The following SNX6 variants were observed in gnomAD, a reference collection of about 807,000 sequenced individuals.
SNX6 encodes sorting nexin 6.
In SNX6, 34 loss-of-function variants were observed where a neutral mutation model predicts 63.0. The observed-to-expected ratio is 0.54, with a 90% CI of 0.41 to 0.72. SNX6 has a LOEUF of 0.72. SNX6 is among the 30% of genes least tolerant of loss of function. The probability of loss-of-function intolerance (pLI) is 0.00; values close to 1 mark genes in which losing one functional copy is unlikely to be tolerated. For synonymous variants in SNX6, 170 were observed against 164.2 expected (o/e 1.04, Z -0.27); for missense variants, 398 against 471.4 (o/e 0.84, Z 1.44).
At chr14:34,593,582 T>A (rs1882485141) in intron 7 of SNX6, among the ~76,000 whole-genome samples, 1 of 151,056 alleles carries the variant, frequency 6.6e-6, no homozygotes, top group Non-Finnish European at 1.5e-5. Context: ...TTCTTTTTTT[T>A]TTTTTTTTTA....
chr14:34,586,999 A>T (rs1310047542), intron 8 of SNX6, among the ~76,000 whole-genome samples: 3 of 113,550 alleles, frequency 2.6e-5, no homozygotes, highest in Non-Finnish European at 5.3e-5. Flanking sequence ...ACAGAGCAAG[A>T]CTCTGTCTCA....
intron 2 of SNX6, among the ~76,000 whole-genome samples, chr14:34,622,397 C>T (rs577034318): frequency 4.0e-5 from 6 of 151,284 alleles, no homozygotes; most frequent in African/African-American, 7.3e-5. Context: ...TGGCTAACAC[C>T]GTGAAACCCC....
In SNX6 at chr14:34,605,618, T is replaced by C. The variant is rs768854319; in HGVS notation, c.370A>G (p.Lys124Glu). 6 of 1,592,442 alleles carry C rather than the reference T, an allele frequency of 3.8e-6. No homozygotes were observed. Among genetic ancestry groups the C allele is most frequent in the African/African-American group, 2.7e-5 (2 of 73,366 alleles). Residue 124 changes from lysine (K) to glutamate (E), a missense_variant, in exon 5 of 14, where the codon AAG becomes GAG. Transcript: ENST00000362031. ...EGSMTKEEFT[K>E]MKQELEAEYL... ...TACGCTTCCAGTTCCTGTTTCATCTTTGTGAATTCTTCCTTCGTCATTGAC... is the reference window on the plus strand; with the variant it reads ...TACGCTTCCAGTTCCTGTTTCATCTCTGTGAATTCTTCCTTCGTCATTGAC...
At chr14:34,587,308 A>G (rs1261746565) in intron 8 of SNX6, among the ~76,000 whole-genome samples, 2 of 151,732 alleles carry the variant, frequency 1.3e-5, no homozygotes, top group African/African-American at 2.4e-5. Flanking sequence ...CAAGGCGGGC[A>G]GATCATGAGG....
intron 9 of SNX6, among the ~76,000 whole-genome samples, chr14:34,584,781 C>G (rs974664830): frequency 2.2e-4 from 33 of 151,288 alleles, no homozygotes; most frequent in Admixed American, 6.6e-4. Flanking sequence ...AGAGTAAAGT[C>G]GATTTTTATT....
chr14:34,607,724 A>G (rs1883075989), intron 4 of SNX6, among the ~76,000 whole-genome samples: 1 of 152,180 alleles, frequency 6.6e-6, no homozygotes, highest in Non-Finnish European at 1.5e-5. Context: ...CCTGGCCAAC[A>G]TGGTGAAACC....
intron 9 of SNX6, among the ~76,000 whole-genome samples, chr14:34,584,600 A>G (rs907641218): frequency 6.6e-6 from 1 of 151,446 alleles, no homozygotes; most frequent in African/African-American, 2.4e-5. Flanking sequence ...ACATACATAC[A>G]TATATATATA....
intron 2 of SNX6, among the ~76,000 whole-genome samples, chr14:34,619,206 A>G (rs1029761286): frequency 6.6e-6 from 1 of 152,106 alleles, no homozygotes; most frequent in Non-Finnish European, 1.5e-5. Context: ...GGCAGATCAC[A>G]AGGTCAGGAG....
intron 2 of SNX6, among the ~76,000 whole-genome samples, chr14:34,612,223 G>C (rs545273892): frequency 1.3e-5 from 2 of 152,156 alleles, no homozygotes; most frequent in Admixed American, 6.6e-5. Context: ...TTACAGACGT[G>C]AGCCACTGAG....
intron 8 of SNX6, among the ~76,000 whole-genome samples, chr14:34,586,918 A>ACTCCTCTCCT (rs1882183115): frequency 2.1e-5 from 3 of 144,062 alleles, no homozygotes; most frequent in Admixed American, 7.3e-5. Flanking sequence ...CTGAGGCAGG[A>ACTCCTCTCCT]GAATGGCGTG....
At chr14:34,600,349 C>CAG (rs923791543) in intron 6 of SNX6, among the ~76,000 whole-genome samples, 2 of 152,096 alleles carry the variant, frequency 1.3e-5, no homozygotes, top group Non-Finnish European at 2.9e-5. Flanking sequence ...TGGTCTTGAA[C>CAG]TACTGGCCTC....
At chr14:34,597,163 C>T (rs1267172386) in intron 7 of SNX6, among the ~76,000 whole-genome samples, 1 of 152,214 alleles carries the variant, frequency 6.6e-6, no homozygotes, top group East Asian at 1.9e-4. Flanking sequence ...CCCCTCCACC[C>T]ACCTGCCCCA....
intron 9 of SNX6, among the ~76,000 whole-genome samples, chr14:34,584,669 T>A (rs140872156): frequency 2.5e-4 from 38 of 152,068 alleles, no homozygotes; most frequent in African/African-American, 8.2e-4. Flanking sequence ...AAGAACACTC[T>A]AACATAAATT....
intron 11 of SNX6, among the ~76,000 whole-genome samples, chr14:34,568,294 G>C (rs562370804): frequency 1.3e-5 from 2 of 150,818 alleles, no homozygotes; most frequent in South Asian, 4.2e-4. Context: ...GCAGTGGCGC[G>C]ATCTCAGCTC....
intron 4 of SNX6, among the ~76,000 whole-genome samples, chr14:34,606,402 T>G (rs1044633436): frequency 1.2e-4 from 18 of 151,536 alleles, no homozygotes; most frequent in Admixed American, 2.6e-4. Flanking sequence ...ATTACAGGCA[T>G]GAGCCACTGC....
chr14:34,592,172 G>A (rs1034260853), intron 8 of SNX6, among the ~76,000 whole-genome samples: 6 of 152,138 alleles, frequency 3.9e-5, no homozygotes, highest in African/African-American at 1.2e-4. Flanking sequence ...TGGATCATGA[G>A]GTCAGGAGTT....
chr14:34,604,058 A>G, intron 5 of SNX6: 1 of 1,015,350 alleles, frequency 9.8e-7, no homozygotes, highest in Non-Finnish European at 1.2e-6. Flanking sequence ...TTTGGGGGAA[A>G]AAAAAAAAAA....
chr14:34,602,971 G>A (rs752587212), intron 6 of SNX6, among the ~76,000 whole-genome samples: 16 of 128,938 alleles, frequency 1.2e-4, no homozygotes, highest in Non-Finnish European at 2.1e-4. Context: ...GCGAGACTCC[G>A]TCTCAAAAAA....
chr14:34,581,625 T>C (rs1881939436), intron 9 of SNX6, 25 bp from the exon 10 acceptor site: 5 of 1,381,098 alleles, frequency 3.6e-6, no homozygotes, highest in African/African-American at 1.4e-5. Context: ...ATTTTCATCA[T>C]ATTCTACATT....
Sources: allele counts gnomAD v4.1 joint callset (sites outside exome capture counted in the v4.1 genomes callset), GRCh38; gene constraint gnomAD v4.1.1; transcripts MANE v1.5; gene names NCBI Gene and HGNC (gene_info 2026-07-23, HGNC 2026-07-21).